SLC25A48: variants seen among roughly 807,000 people sequenced by gnomAD.
SLC25A48 encodes CTC-321K16.1.
In SLC25A48, 29 loss-of-function variants were observed where a neutral mutation model predicts 32.2. That is an observed-to-expected ratio of 0.90 (90% CI 0.67 to 1.23). SLC25A48 has a LOEUF of 1.23. Among genes scored for constraint, SLC25A48 ranks in the 50% most tolerant of loss-of-function variants. The pLI is 0.00. For synonymous variants in SLC25A48, 164 were observed against 172.3 expected, an observed-to-expected ratio of 0.95 and a Z score of 0.38; for missense variants, 399 against 422.7, an observed-to-expected ratio of 0.94 and a Z score of 0.49.
chr5:135,663,506 A>G (rs995733521), intron 3 of SLC25A48, among the ~76,000 whole-genome samples: 1 of 152,238 alleles, frequency 6.6e-6, no homozygotes, highest in African/African-American at 2.4e-5. Flanking sequence ...CCAGTGCTCT[A>G]AAGTAATATC....
At chr5:135,780,329 G>T (rs4368722) in intron 3 of SLC25A48, among the ~76,000 whole-genome samples, 59,080 of 114,534 alleles carry the variant, frequency 0.52, 22,608 homozygotes, top group Middle Eastern at 0.69. Flanking sequence ...CTCGTGATCC[G>T]CCCGCCTCGG....
intron 1 of SLC25A48, among the ~76,000 whole-genome samples, chr5:135,594,627 C>T (rs570596851): frequency 1.3e-5 from 2 of 152,300 alleles, no homozygotes; most frequent in Non-Finnish European, 2.9e-5. Context: ...CTAAACCTAA[C>T]CCTAACTGTT....
chr5:135,820,150 G>A (rs886224088), intron 4 of SLC25A48, among the ~76,000 whole-genome samples: 3 of 152,114 alleles, frequency 2.0e-5, no homozygotes, highest in Non-Finnish European at 2.9e-5. Flanking sequence ...TATTCACAAT[G>A]GAAACAACTA....
In SLC25A48 at chr5:135,865,464, G is replaced by A. The variant is rs186415417; in HGVS notation, c.422-5997G>A. 9.2e-5 allele frequency among the ~76,000 whole-genome samples: 14 copies of A among 152,314 alleles called. No individual in the cohort carries two copies. The East Asian group carries it at 2.7e-3, about 29-fold the overall frequency. ...GCTTCCATCAAATCTAAGCAGTGCT[G>A]TAGGTGGGACCCTGATTTTGGAATT... is the stretch of plus-strand genomic sequence containing the variant. On this transcript the variant is annotated intron_variant, in intron 4 of 7. Transcript: ENST00000681962.
intron 1 of SLC25A48, among the ~76,000 whole-genome samples, chr5:135,597,716 C>G (rs1751687192): frequency 6.6e-6 from 1 of 152,190 alleles, no homozygotes; most frequent in African/African-American, 2.4e-5. Flanking sequence ...TCCAAAGTCC[C>G]CACCTAGCTG....
At position 135,769,265 on chromosome 5, in the gene SLC25A48, G is replaced by GGT. The variant is rs1554073346; in HGVS notation, c.-520-43257_-520-43256insTG. On this transcript the variant is annotated intron_variant, in intron 3 of 10. Transcript: ENST00000646290. ...GTAATTTTGTTTGCAATATTGGGGG[G>GGT]GGAGAATGATATTACTGACAGCATC... Among the ~76,000 whole-genome samples the GGT allele has an allele frequency of 1.4e-4, 20 of 145,128 alleles. 1 individual carries two copies. Among genetic ancestry groups the GGT allele is most frequent in the East Asian group, 2.1e-4 (1 of 4,726 alleles).
At chr5:135,683,390 A>G (rs986598239) in intron 3 of SLC25A48, among the ~76,000 whole-genome samples, 1 of 152,202 alleles carries the variant, frequency 6.6e-6, no homozygotes, top group African/African-American at 2.4e-5. Flanking sequence ...CCCAATCCCA[A>G]TCTCATCTTT....
At chr5:135,853,383 A>T (rs1404282543) in intron 4 of SLC25A48, among the ~76,000 whole-genome samples, 2 of 152,238 alleles carry the variant, frequency 1.3e-5, no homozygotes, top group Non-Finnish European at 2.9e-5. Context: ...TTTTACCCAC[A>T]GTAGAACTTC....
chr5:135,584,893 T>C (rs1223352178), intron 1 of SLC25A48, among the ~76,000 whole-genome samples: 1 of 152,252 alleles, frequency 6.6e-6, no homozygotes. Context: ...TCATTCTCTT[T>C]GAGTGGCGAA....
chr5:135,779,037 A>G (rs1053229021), intron 3 of SLC25A48, among the ~76,000 whole-genome samples: 1 of 151,944 alleles, frequency 6.6e-6, no homozygotes, highest in East Asian at 2.0e-4. Context: ...TCAAAAGATG[A>G]TATTACTTCC....
chr5:135,850,151 C>T (rs1759727329), intron 2 of SLC25A48, among the ~76,000 whole-genome samples: 2 of 152,278 alleles, frequency 1.3e-5, no homozygotes, highest in East Asian at 3.9e-4. Flanking sequence ...TTTTTGTACT[C>T]AAGAGGTGGG....
At chr5:135,737,119 A>G (rs780958830) in intron 3 of SLC25A48, among the ~76,000 whole-genome samples, 15 of 152,322 alleles carry the variant, frequency 9.8e-5, no homozygotes, top group South Asian at 6.2e-4. Flanking sequence ...GAGACCACCA[A>G]ACAGGCTTTG....
At chr5:135,809,186 C>A (rs1468879260) in intron 3 of SLC25A48, among the ~76,000 whole-genome samples, 1 of 151,982 alleles carries the variant, frequency 6.6e-6, no homozygotes, top group Non-Finnish European at 1.5e-5. Context: ...GTAGTCCCAG[C>A]TACTTGGGAG....
intron 2 of SLC25A48, among the ~76,000 whole-genome samples, chr5:135,848,315 C>T (rs1051654208): frequency 2.6e-5 from 4 of 152,094 alleles, no homozygotes; most frequent in Non-Finnish European, 4.4e-5. Flanking sequence ...CAGGGACAGC[C>T]CTGGGAGAGT....
chr5:135,670,028 G>A (rs1015333040), intron 3 of SLC25A48, among the ~76,000 whole-genome samples: 1 of 152,194 alleles, frequency 6.6e-6, no homozygotes, highest in Admixed American at 6.5e-5. Context: ...CGTGATGACT[G>A]GAATGATGTC....
At chr5:135,754,754 T>C (rs1303008182) in intron 3 of SLC25A48, among the ~76,000 whole-genome samples, 1 of 150,224 alleles carries the variant, frequency 6.7e-6, no homozygotes, top group East Asian at 2.0e-4. Flanking sequence ...CTGGCATTTA[T>C]AATATCGAGT....
rs143266601 is a variant in SLC25A48, at chr5:135,713,964, G to A, written c.-521+79008G>A. On this transcript the variant is annotated intron_variant, in intron 3 of 10. Transcript: ENST00000646290. ...GAAACACTTGCTTCTCATCCCCTGC[G>A]AGTGAAAGGAAGCAGCCCCAAAGGC... 7.1e-3 allele frequency among the ~76,000 whole-genome samples: 1,086 copies of A among 152,346 alleles called. 7 individuals carry two copies. The highest frequency in any genetic ancestry group is 0.018 in the South Asian group (89 of 4,830).
chr5:135,659,005 C>T (rs1277996036), intron 3 of SLC25A48, among the ~76,000 whole-genome samples: 2 of 152,230 alleles, frequency 1.3e-5, no homozygotes, highest in East Asian at 3.8e-4. Flanking sequence ...CTCTGAAATG[C>T]CCTGAAGGCA....
chr5:135,765,373 C>T (rs537350970), intron 3 of SLC25A48, among the ~76,000 whole-genome samples: 1 of 151,546 alleles, frequency 6.6e-6, no homozygotes, highest in East Asian at 2.0e-4. Context: ...GGTGATACTA[C>T]TCTTCATATC....
Sources: allele counts gnomAD v4.1 joint callset (sites outside exome capture counted in the v4.1 genomes callset), GRCh38; gene constraint gnomAD v4.1.1; transcripts MANE v1.5; gene names NCBI Gene and HGNC (gene_info 2026-07-23, HGNC 2026-07-21).